Variants in MBD5 observed in about 807,000 individuals in gnomAD.
MBD5 encodes methyl-CpG binding domain protein 5, also known as methyl-CpG-binding domain protein 5.
MBD5 carries 13 observed loss-of-function variants against 117.3 expected under a neutral mutation model. That is an observed-to-expected ratio of 0.11 (90% CI 0.07 to 0.18). The LOEUF (loss-of-function observed/expected upper bound fraction) is 0.18, where lower values mean the gene tolerates loss of function less well. Ranked by LOEUF, MBD5 falls within the 10% of genes least tolerant of loss-of-function variation. The probability of loss-of-function intolerance (pLI) is 1.00; values close to 1 mark genes in which losing one functional copy is unlikely to be tolerated. For synonymous variants in MBD5, 727 were observed against 766.4 expected (o/e 0.95, Z 0.85); for missense variants, 1,879 against 2,093.8 (o/e 0.90, Z 2.00).
chr2:148,392,816 G>A (rs1358500542), intron 4 of MBD5, among the ~76,000 whole-genome samples: 3 of 151,874 alleles, frequency 2.0e-5, no homozygotes, highest in African/African-American at 7.2e-5. Flanking sequence ...TCATAAAATC[G>A]GACCCATTCT....
At position 148,027,832 on chromosome 2, in the gene MBD5, T is replaced by C. The variant is rs561785956; in HGVS notation, c.-925+6148T>C. 3.3e-5 allele frequency: 5 copies of C among 152,248 alleles called. No homozygotes were observed. In the South Asian group the frequency reaches 1.0e-3, roughly 32 times the overall value. 9.4% of individuals were successfully genotyped at this position (152,248 alleles called of 1,614,324 possible). A position where few individuals can be genotyped will look rare whatever the true frequency, so the allele number is the denominator to read the frequency against. The stretch of plus-strand genomic sequence containing the variant: ...AAGAAATATTCTTTATCATCTGTTA[T>C]ATATTAGAAAAGTTTATTGCAAATG... On this transcript the variant is annotated intron_variant, in intron 1 of 13. Transcript: ENST00000642680.
chr2:148,254,797 C>T (rs1700544857), intron 3 of MBD5, among the ~76,000 whole-genome samples: 2 of 152,178 alleles, frequency 1.3e-5, no homozygotes, highest in Admixed American at 1.3e-4. Flanking sequence ...GGTGTTACCA[C>T]AGTGTTGCTC....
At chr2:148,397,277 A>G (rs1358693577) in intron 4 of MBD5, among the ~76,000 whole-genome samples, 1 of 151,322 alleles carries the variant, frequency 6.6e-6, no homozygotes, top group East Asian at 1.9e-4. Context: ...TTCTCTAGCT[A>G]ATACATGAAT....
Position 148,171,348 on chromosome 2 carries a change from T to C in MBD5, c.-924-7352T>C, listed in dbSNP as rs137960593. 9.6e-3 allele frequency among the ~76,000 whole-genome samples: 1,462 copies of C among 152,330 alleles called. 12 individuals are homozygous for C. The highest frequency in any genetic ancestry group is 0.016 in the Non-Finnish European group (1,090 of 68,028). On this transcript the variant is annotated intron_variant, in intron 1 of 13. Coordinates refer to ENST00000642680, the MANE Select transcript of MBD5 (RefSeq NM_001378120.1). ...TTCAAAATACAGAAATCAATAAATG[T>C]GATACATTGCCTTAACAGAGTGAAG...
rs1694536405 is a variant in MBD5, at chr2:148,046,429, T to TA, written c.-925+24747dup. Among the ~76,000 whole-genome samples, 4 of 152,324 alleles carry TA rather than the reference T, an allele frequency of 2.6e-5. No individual in the cohort carries two copies. In the East Asian group the frequency reaches 5.8e-4, roughly 22 times the overall value. On this transcript the variant is annotated intron_variant, in intron 1 of 13. Transcript: ENST00000642680. ...GTTGTAGACTGAGTGGTTAGCAGTA[T>TA]AAGTCCCTGAGGTCTTTCAAACTGA...
intron 3 of MBD5, among the ~76,000 whole-genome samples, chr2:148,254,293 G>A (rs1463524128): frequency 2.6e-5 from 4 of 152,186 alleles, no homozygotes; most frequent in Non-Finnish European, 5.9e-5. Flanking sequence ...GGGCACAGGT[G>A]CCTCCTTAGG....
intron 1 of MBD5, among the ~76,000 whole-genome samples, chr2:148,149,822 TG>T (rs1697592002): frequency 6.6e-6 from 1 of 151,680 alleles, no homozygotes; most frequent in South Asian, 2.1e-4. Flanking sequence ...TTGAGTTCAT[TG>T]TAGATCCTGG....
chr2:148,095,985 C>T (rs754247540), intron 1 of MBD5, among the ~76,000 whole-genome samples: 4 of 152,054 alleles, frequency 2.6e-5, no homozygotes, highest in Non-Finnish European at 1.5e-5. Flanking sequence ...TTTTAATTTT[C>T]TAAGGACAAA....
intron 4 of MBD5, among the ~76,000 whole-genome samples, chr2:148,426,499 A>C (rs1016601730): frequency 7.9e-5 from 12 of 152,196 alleles, no homozygotes; most frequent in African/African-American, 2.9e-4. Flanking sequence ...ATAATGCCAC[A>C]TATCTACAAC....
intron 3 of MBD5, among the ~76,000 whole-genome samples, chr2:148,261,849 C>T (rs1048703019): frequency 6.6e-6 from 1 of 152,166 alleles, no homozygotes; most frequent in African/African-American, 2.4e-5. Flanking sequence ...CTTTCTTTCA[C>T]CTGAACACTT....
chr2:148,058,966 G>T (rs780986032), intron 1 of MBD5, among the ~76,000 whole-genome samples: 2 of 152,140 alleles, frequency 1.3e-5, no homozygotes, highest in Non-Finnish European at 2.9e-5. Flanking sequence ...AGTGTTTTAT[G>T]AAGTGTATTT....
intron 4 of MBD5, among the ~76,000 whole-genome samples, chr2:148,353,304 G>T (rs6744194): frequency 0.28 from 42,099 of 151,966 alleles, 6,049 homozygotes; most frequent in Admixed American, 0.31. Context: ...GAGCAGATGT[G>T]TGTGTTTAAA....
intron 4 of MBD5, among the ~76,000 whole-genome samples, chr2:148,446,605 T>TGTGTGTGTGC (rs1706536654): frequency 1.3e-5 from 2 of 150,082 alleles, no homozygotes; most frequent in Non-Finnish European, 2.9e-5. Context: ...TATTTATCTG[T>TGTGTGTGTGC]GTGTGTGTGT....
intron 1 of MBD5, among the ~76,000 whole-genome samples, chr2:148,084,133 G>A (rs1695718790): frequency 6.6e-6 from 1 of 152,140 alleles, no homozygotes; most frequent in African/African-American, 2.4e-5. Flanking sequence ...ACACAGATCT[G>A]TGTAGTACTT....
intron 1 of MBD5, among the ~76,000 whole-genome samples, chr2:148,135,025 G>A (rs1439005662): frequency 6.6e-6 from 1 of 152,170 alleles, no homozygotes; most frequent in Admixed American, 6.5e-5. Context: ...GTGGGGCATA[G>A]AATGCTTTGC....
intron 7 of MBD5, among the ~76,000 whole-genome samples, chr2:148,467,729 C>T (rs1376387519): frequency 6.6e-6 from 1 of 152,038 alleles, no homozygotes; most frequent in African/African-American, 2.4e-5. Context: ...TTTGGAATCC[C>T]ATTAGACAGA....
At chr2:148,050,289 C>A (rs1558903200) in intron 1 of MBD5, among the ~76,000 whole-genome samples, 1 of 152,110 alleles carries the variant, frequency 6.6e-6, no homozygotes, top group Non-Finnish European at 1.5e-5. Context: ...TAACGATGTT[C>A]CAAATGTTTT....
intron 2 of MBD5, among the ~76,000 whole-genome samples, chr2:148,220,913 C>G (rs1210926421): frequency 6.6e-6 from 1 of 151,956 alleles, no homozygotes; most frequent in Admixed American, 6.6e-5. Flanking sequence ...ATTAACCATC[C>G]CCACGTATCC....
intron 4 of MBD5, among the ~76,000 whole-genome samples, chr2:148,374,535 G>A (rs1002658661): frequency 6.6e-6 from 1 of 152,166 alleles, no homozygotes; most frequent in African/African-American, 2.4e-5. Flanking sequence ...CTTTCTAAGT[G>A]TAATGTAGAA....
Sources: gnomAD v4.1 joint callset for allele counts (sites outside exome capture counted in the v4.1 genomes callset) on GRCh38, gnomAD v4.1.1 for gene constraint, MANE v1.5 for transcripts, NCBI Gene and HGNC (gene_info 2026-07-23, HGNC 2026-07-21) for gene names.